Variants in MCM3AP observed in about 807,000 individuals in gnomAD.
MCM3AP encodes germinal-center associated nuclear protein.
Under a neutral mutation model 184.1 loss-of-function variants are expected in MCM3AP, and 126 were observed. That is an observed-to-expected ratio of 0.68 (90% CI 0.59 to 0.79). MCM3AP has a LOEUF of 0.79. Among genes scored for constraint, MCM3AP ranks in the 30% least tolerant of loss-of-function variants. MCM3AP has a pLI of 0.00. For synonymous variants in MCM3AP, 1,002 were observed against 979.3 expected (o/e 1.02, Z -0.43); for missense variants, 2,496 against 2,479.2 (o/e 1.01, Z -0.14).
intron 7 of MCM3AP, 152 bp from the exon 8 acceptor site, chr21:46,272,981 A>G (rs1400749663): frequency 2.2e-5 from 17 of 783,582 alleles, no homozygotes; most frequent in Non-Finnish European, 2.7e-5. Context: ...TGACTTAAAT[A>G]AAAGTCCTGG....
chr21:46,273,273 C>T, intron 7 of MCM3AP, 115 bp downstream of exon 7: 2 of 1,032,214 alleles, frequency 1.9e-6, no homozygotes, highest in Non-Finnish European at 2.9e-6. Flanking sequence ...CTGCACCTGG[C>T]CCACAAAAGT....
At chr21:46,273,838 G>A (rs1449958511) in intron 6 of MCM3AP, among the ~76,000 whole-genome samples, 2 of 152,228 alleles carry the variant, frequency 1.3e-5, no homozygotes, top group African/African-American at 4.8e-5. Context: ...GGAATGTTAA[G>A]TGAAGGCACA....
intron 2 of MCM3AP, among the ~76,000 whole-genome samples, chr21:46,283,262 G>A (rs539116980): frequency 3.5e-4 from 53 of 152,216 alleles, no homozygotes; most frequent in African/African-American, 1.2e-3. Context: ...CGTTTACAGC[G>A]ATCATCTTCT....
At chr21:46,271,218 C>G (rs2081174706) in intron 8 of MCM3AP, among the ~76,000 whole-genome samples, 2 of 151,414 alleles carry the variant, frequency 1.3e-5, no homozygotes, top group Non-Finnish European at 2.9e-5. Flanking sequence ...CTGGAGTGCA[C>G]TGGCACAATC....
At chr21:46,270,240 T>C (rs946812923) in intron 9 of MCM3AP, 161 bp downstream of exon 9, 63 of 629,852 alleles carry the variant, frequency 1.0e-4, no homozygotes, top group African/African-American at 3.7e-5. Context: ...ATAACCCCTA[T>C]AAAACAGGGC....
chr21:46,251,422 C>T, intron 20 of MCM3AP, 107 bp downstream of exon 20: 1 of 951,760 alleles, frequency 1.1e-6, no homozygotes, highest in Non-Finnish European at 1.5e-6. Flanking sequence ...CCCAGTCTTT[C>T]AAAACCACAT....
At chr21:46,265,597 G>C in intron 11 of MCM3AP, 74 bp from the exon 12 acceptor site, 2 of 1,270,968 alleles carry the variant, frequency 1.6e-6, no homozygotes, top group Non-Finnish European at 2.1e-6. Context: ...CGAGGTCTGT[G>C]CAGGGACAGC....
intron 5 of MCM3AP, among the ~76,000 whole-genome samples, chr21:46,275,577 C>T (rs987270741): frequency 2.6e-5 from 4 of 152,090 alleles, no homozygotes; most frequent in African/African-American, 9.7e-5. Flanking sequence ...ACCCTCACTG[C>T]AGACTAAGAG....
chr21:46,259,586 A>G (rs1051914560), intron 15 of MCM3AP, among the ~76,000 whole-genome samples: 2 of 151,910 alleles, frequency 1.3e-5, no homozygotes, highest in Admixed American at 6.6e-5. Context: ...CTTGGCCATC[A>G]TGGTAGAACC....
In MCM3AP at chr21:46,284,134, G is replaced by A. The variant is rs1384982769; in HGVS notation, c.1153C>T (p.Leu385=). ...MAIPGGNQSV[L]APSRIPGVNK... ...ACACCTGGAATCCGGGAAGGTGCCA[G>A]GACAGACTGATTCCCTCCTGGGATA... The change falls in exon 1 of 28, where the codon CTG becomes TTG. Residue 385 remains leucine (L), a synonymous_variant. Transcript: ENST00000291688. The A allele has an allele frequency of 6.1e-5, 98 of 1,614,066 alleles. No individual in the cohort carries two copies. The highest frequency in any genetic ancestry group is 8.2e-5 in the Non-Finnish European group (97 of 1,180,020).
intron 2 of MCM3AP, among the ~76,000 whole-genome samples, chr21:46,282,322 G>A (rs1008915414): frequency 5.9e-5 from 9 of 152,102 alleles, no homozygotes; most frequent in South Asian, 2.1e-4. Context: ...AACAACCCGC[G>A]TCTGCCAACA....
rs757009106 is a variant in MCM3AP at position 46,284,294 on chromosome 21, T to A, written c.993A>T (p.Arg331=). 1.2e-6 allele frequency: 2 copies of A among 1,613,960 alleles called. No individual in the cohort carries two copies. The highest frequency in any genetic ancestry group is 2.2e-5 in the South Asian group (2 of 91,056). The change falls in exon 1 of 28, where the codon CGA becomes CGT. Residue 331 remains arginine (R), a synonymous_variant. Coordinates refer to ENST00000291688, the MANE Select transcript of MCM3AP (RefSeq NM_003906.5). ...PPDKRPVRLN[R]PRGGTLFGRT... is the part of the protein sequence containing the mutation. ...GACCAAATAAAGTACCTCCCCGGGG[T>A]CGATTCAGGCGGACAGGTCGTTTGT...
rs759891186 is a variant in MCM3AP, at chr21:46,272,870, T to A, written c.2197-41A>T. On this transcript the variant is annotated intron_variant, in intron 7 of 27. Coordinates refer to ENST00000291688, the MANE Select transcript of MCM3AP (RefSeq NM_003906.5). ...GGGGAGGATCACACACACATTCCCA[T>A]GCAAAGAGGCAACCGTGAGAAGGAT... The A allele has an allele frequency of 7.9e-6, 12 of 1,520,514 alleles. 1 individual carries two copies. The East Asian group carries it at 2.5e-4, about 32-fold the overall frequency. 94.2% of individuals were successfully genotyped at this position (1,520,514 alleles called of 1,614,324 possible).
In MCM3AP at chr21:46,284,701, G is replaced by A; in HGVS notation, c.586C>T (p.Gln196Ter). 1 of 1,614,096 alleles carries A rather than the reference G, an allele frequency of 6.2e-7. No individual in the cohort carries two copies. Among genetic ancestry groups the A allele is most frequent in the African/African-American group, 1.3e-5 (1 of 75,040 alleles). ...PGGLAPFSFPQVTSSSATTSN... is the reference protein window; with the variant it reads ...PGGLAPFSFP The stretch of plus-strand genomic sequence containing the variant: ...GTGGTAGCTGAACTACTTGTTACTT[G>A]AGGAAAAGAGAAAGGGGCCAGGCCT... The change falls in exon 1 of 28, where the codon CAA (glutamine) becomes TAA (stop). Residue 196 changes from glutamine to a stop codon, truncating the protein, a stop_gained. Transcript: ENST00000291688. LOFTEE classifies it high-confidence loss of function.
At chr21:46,262,764 G>A (rs1228267234) in intron 13 of MCM3AP, among the ~76,000 whole-genome samples, 1 of 151,242 alleles carries the variant, frequency 6.6e-6, no homozygotes, top group Non-Finnish European at 1.5e-5. Context: ...TCAGGAGATT[G>A]AGACCATCCT....
In MCM3AP at chr21:46,254,405, C is replaced by G. The variant is rs917853669; in HGVS notation, c.4123G>C (p.Glu1375Gln). 45 of 1,614,228 alleles carry G rather than the reference C, an allele frequency of 2.8e-5. No homozygotes were observed. The highest frequency in any genetic ancestry group is 1.6e-4 in the Middle Eastern group (1 of 6,062). Residue 1375 changes from glutamate to glutamine, a missense_variant, in exon 19 of 28, where the codon GAG (glutamate) becomes CAG (glutamine). Coordinates refer to ENST00000291688, the MANE Select transcript of MCM3AP (RefSeq NM_003906.5). ...ACCCTTCCTGACCTGCCACAACTCTCTGGGGACTGCTCCTCTACATCCGGC... is the reference window on the plus strand; with the variant it reads ...ACCCTTCCTGACCTGCCACAACTCTGTGGGGACTGCTCCTCTACATCCGGC... ...VLPDVEEQSP[E>Q]SCGRILANWL...
chr21:46,260,321 C>T (rs1008290424), intron 15 of MCM3AP, among the ~76,000 whole-genome samples: 1 of 152,170 alleles, frequency 6.6e-6, no homozygotes, highest in Admixed American at 6.5e-5. Context: ...CTATGTTGCC[C>T]AGGCTGGAGT....
At chr21:46,270,635 C>A in intron 8 of MCM3AP, 72 bp from the exon 9 acceptor site, 1 of 1,306,602 alleles carries the variant, frequency 7.7e-7, no homozygotes, top group Non-Finnish European at 1.1e-6. Context: ...GAAGATAGAT[C>A]TGATAAATAA....
chr21:46,235,600 C>T, intron 27 of MCM3AP, 174 bp from the exon 28 acceptor site: 3 of 607,058 alleles, frequency 4.9e-6, no homozygotes, highest in Non-Finnish European at 8.7e-6. Context: ...TTAGCTCGTA[C>T]ATTCAGCTGG....
Sources: allele counts gnomAD v4.1 joint callset (sites outside exome capture counted in the v4.1 genomes callset), GRCh38; gene constraint gnomAD v4.1.1; transcripts MANE v1.5; gene names NCBI Gene and HGNC (gene_info 2026-07-23, HGNC 2026-07-21).